The following SMAD5 variants were observed in gnomAD, a reference collection of about 807,000 sequenced individuals.
SMAD5 encodes the protein SMAD family member 5.
SMAD5 carries 9 observed loss-of-function variants against 43.1 expected under a neutral mutation model. That is an observed-to-expected ratio of 0.21 (90% confidence interval 0.13 to 0.36). The LOEUF is 0.36. Among genes scored for constraint, SMAD5 ranks in the 10% least tolerant of loss-of-function variants. SMAD5 has a pLI of 1.00. For missense variants in SMAD5, 348 were observed against 574.0 expected (o/e 0.61, Z 4.02); for synonymous variants, 190 against 192.4 (o/e 0.99, Z 0.10).
chr5:136,174,430 G>A lies in SMAD5; in HGVS notation c.1052G>A (p.Ser351Asn). The change falls in exon 7 of 8, where the codon AGC (serine) becomes AAC (asparagine). Residue 351 changes from serine (S) to asparagine (N), a missense_variant. Physicochemically the swap from Ser to Asn is conservative, Grantham distance 46 (BLOSUM62 1). Coordinates refer to ENST00000545279, the MANE Select transcript of SMAD5 (RefSeq NM_005903.7). The part of the protein sequence containing the change: ...GEVYAECLSD[S>N]SIFVQSRNCN... ...GTGTATGCGGAATGCCTCAGTGACA[G>A]CAGCATATTTGTACAGAGTAGGAAC... is the stretch of plus-strand genomic sequence containing the variant. 6.2e-7 allele frequency: 1 copy of A among 1,613,544 alleles called. No homozygotes were observed. Among genetic ancestry groups the A allele is most frequent in the Non-Finnish European group, 8.5e-7 (1 of 1,179,442 alleles).
rs544795836 is a variant in SMAD5 at position 136,178,770 on chromosome 5, C to G, written c.*1290C>G. Reference sequence around the variant, plus strand: ...TGTAGGGATAGCTGATTTTAAAACACTCGGCTGGGCACAGTGGCTCACACC... The same window carrying G: ...TGTAGGGATAGCTGATTTTAAAACAGTCGGCTGGGCACAGTGGCTCACACC... On this transcript the variant is annotated 3_prime_UTR_variant, in exon 8 of 8. Transcript: ENST00000545279. The G allele has an allele frequency of 1.3e-5, 2 of 152,236 alleles. No homozygotes were observed. The highest frequency in any genetic ancestry group is 2.9e-5 in the Non-Finnish European group (2 of 68,114). 9.4% of individuals were successfully genotyped at this position (152,236 alleles called of 1,614,324 possible).
At chr5:136,162,194 T>C (rs1753846064) in intron 4 of SMAD5, among the ~76,000 whole-genome samples, 1 of 152,070 alleles carries the variant, frequency 6.6e-6, no homozygotes, top group Non-Finnish European at 1.5e-5. Flanking sequence ...TGGGACTGTT[T>C]AGACATGCAT....
intron 2 of SMAD5, among the ~76,000 whole-genome samples, chr5:136,150,441 C>G (rs13179061): frequency 0.36 from 53,990 of 151,672 alleles, 10,472 homozygotes; most frequent in African/African-American, 0.52. Context: ...ATGGCACATG[C>G]AATGGTCCAG....
intron 1 of SMAD5, chr5:136,134,084 C>CT (rs1363655523): frequency 7.4e-6 from 1 of 135,912 alleles, no homozygotes; most frequent in African/African-American, 2.7e-5. Flanking sequence ...ATTTTGGTTG[C>CT]TTGTGCATTT....
At chr5:136,155,868 G>A (rs1753618576) in intron 3 of SMAD5, among the ~76,000 whole-genome samples, 1 of 152,200 alleles carries the variant, frequency 6.6e-6, no homozygotes, top group African/African-American at 2.4e-5. Flanking sequence ...GCACTTGGTA[G>A]GTGATGCTCA....
chr5:136,148,454 A>G (rs761838396), intron 2 of SMAD5, among the ~76,000 whole-genome samples: 4 of 151,806 alleles, frequency 2.6e-5, no homozygotes, highest in Non-Finnish European at 1.5e-5. Flanking sequence ...GCACAAACTC[A>G]TACATATAAA....
At chr5:136,148,379 T>A (rs1429642242) in intron 2 of SMAD5, among the ~76,000 whole-genome samples, 1 of 151,734 alleles carries the variant, frequency 6.6e-6, no homozygotes, top group African/African-American at 2.4e-5. Context: ...GCTTACTGAT[T>A]ACTGTAAAAG....
intron 5 of SMAD5, among the ~76,000 whole-genome samples, chr5:136,166,642 T>C (rs1167881422): frequency 6.6e-6 from 1 of 152,254 alleles, no homozygotes; most frequent in African/African-American, 2.4e-5. Flanking sequence ...GCTGGAATTA[T>C]TAATATGTTG....
At chr5:136,140,174 C>T (rs993157615) in intron 1 of SMAD5, among the ~76,000 whole-genome samples, 1 of 152,142 alleles carries the variant, frequency 6.6e-6, no homozygotes, top group African/African-American at 2.4e-5. Flanking sequence ...AGGCACATGC[C>T]ACCACACCCA....
chr5:136,167,791 A>AG (rs962758672), intron 5 of SMAD5, among the ~76,000 whole-genome samples: 1 of 152,054 alleles, frequency 6.6e-6, no homozygotes, highest in African/African-American at 2.4e-5. Flanking sequence ...AAAAAAAAAA[A>AG]AAAAGTTAAC....
At chr5:136,152,135 C>T (rs945609025) in intron 2 of SMAD5, among the ~76,000 whole-genome samples, 6 of 152,108 alleles carry the variant, frequency 3.9e-5, no homozygotes, top group African/African-American at 1.4e-4. Flanking sequence ...CTTCCCTGTA[C>T]CCTTCCCCAC....
chr5:136,148,783 A>T (rs1169305015), intron 2 of SMAD5, among the ~76,000 whole-genome samples: 1 of 151,832 alleles, frequency 6.6e-6, no homozygotes, highest in Non-Finnish European at 1.5e-5. Flanking sequence ...ATTTTTGCAA[A>T]ATCTGTAGTC....
At chr5:136,168,480 A>G (rs1190653930) in intron 5 of SMAD5, among the ~76,000 whole-genome samples, 2 of 152,190 alleles carry the variant, frequency 1.3e-5, no homozygotes, top group Non-Finnish European at 1.5e-5. Context: ...TGGAAGGTAC[A>G]GAAAGTTCTC....
chr5:136,139,851 G>A (rs1367515887), intron 1 of SMAD5, among the ~76,000 whole-genome samples: 1 of 151,762 alleles, frequency 6.6e-6, no homozygotes, highest in South Asian at 2.1e-4. Flanking sequence ...ATGTGCCACT[G>A]CACCTGGCTA....
At chr5:136,137,297 A>T (rs1167216523) in intron 1 of SMAD5, among the ~76,000 whole-genome samples, 1 of 135,362 alleles carries the variant, frequency 7.4e-6, no homozygotes, top group South Asian at 2.3e-4. Context: ...TTCCTATAGC[A>T]TATATGTACT....
intron 7 of SMAD5, 122 bp downstream of exon 7, chr5:136,174,754 T>G: frequency 4.6e-6 from 3 of 652,066 alleles, no homozygotes; most frequent in Non-Finnish European, 2.6e-6. Flanking sequence ...ATTTAACAGG[T>G]TTTTAAATAA....
At chr5:136,159,327 TATAAG>T (rs1403553229) in intron 3 of SMAD5, among the ~76,000 whole-genome samples, 4 of 152,310 alleles carry the variant, frequency 2.6e-5, no homozygotes, top group Admixed American at 6.5e-5. Flanking sequence ...AAGTAAATGT[TATAAG>T]AGATGGCTAA....
At chr5:136,146,398 T>C (rs1753257563) in intron 1 of SMAD5, among the ~76,000 whole-genome samples, 1 of 151,778 alleles carries the variant, frequency 6.6e-6, no homozygotes, top group South Asian at 2.1e-4. Flanking sequence ...GATACACAGC[T>C]GATTTAAATT....
chr5:136,146,949 A>G (rs1753276496), intron 1 of SMAD5, among the ~76,000 whole-genome samples: 1 of 151,738 alleles, frequency 6.6e-6, no homozygotes, highest in African/African-American at 2.4e-5. Flanking sequence ...GCAGAATACC[A>G]AGTAATATCA....
Sources: gnomAD v4.1 joint callset for allele counts (sites outside exome capture counted in the v4.1 genomes callset) on GRCh38, gnomAD v4.1.1 for gene constraint, MANE v1.5 for transcripts, NCBI Gene and HGNC (gene_info 2026-07-23, HGNC 2026-07-21) for gene names.